CAST: variants seen among roughly 807,000 people sequenced by gnomAD.
CAST encodes the protein calpastatin.
In CAST, 76 loss-of-function variants were observed where a neutral mutation model predicts 119.6. The ratio of observed to expected loss-of-function variants is 0.64; its 90% CI spans 0.53 to 0.77. The LOEUF (loss-of-function observed/expected upper bound fraction) is 0.77. Ranked by LOEUF, CAST falls within the 30% of genes least tolerant of loss-of-function variation. CAST has a pLI of 0.00. For missense variants in CAST, 953 were observed against 946.5 expected (o/e 1.01, Z -0.09); for synonymous variants, 319 against 331.6 (o/e 0.96, Z 0.41).
intron 1 of CAST, among the ~76,000 whole-genome samples, chr5:96,632,005 C>T (rs920050089): frequency 6.8e-6 from 1 of 146,892 alleles, no homozygotes; most frequent in Non-Finnish European, 1.5e-5. Context: ...CTCGCCAACA[C>T]TTGTTATTGT....
At chr5:96,242,391 A>T in the CAST span, among the ~76,000 whole-genome samples, 3 of 152,108 alleles carry the variant, frequency 2.0e-5, no homozygotes, top group Non-Finnish European at 4.4e-5. Flanking sequence ...TCAGCCTCCC[A>T]AAGTGCCAAC....
intron 1 of CAST, among the ~76,000 whole-genome samples, chr5:96,573,481 A>C (rs1226405111): frequency 6.6e-6 from 1 of 152,136 alleles, no homozygotes; most frequent in Non-Finnish European, 1.5e-5. Flanking sequence ...ATAAATAAAA[A>C]AATAAATGAT....
intron 1 of CAST, among the ~76,000 whole-genome samples, chr5:96,617,790 TAAAAAAAAAAAAAAAAAAAAAAAAAAA>T (rs1162873931): frequency 3.6e-4 from 8 of 22,000 alleles, no homozygotes; most frequent in South Asian, 1.6e-3. Context: ...AAATTCCATC[TAAAAAAAAAAAAAAAAAAAAAAAAAAA>T]AAAAAAAAAA....
the CAST span, chr5:96,400,020 G>T: frequency 6.2e-7 from 1 of 1,614,044 alleles, no homozygotes; most frequent in African/African-American, 1.3e-5. Context: ...CAGGTCCTGG[G>T]GTCAGCTAAA....
the CAST span, among the ~76,000 whole-genome samples, chr5:96,222,206 ATAT>A: frequency 1.3e-5 from 2 of 152,240 alleles, no homozygotes; most frequent in East Asian, 1.9e-4. Context: ...CTAGGCAAAA[ATAT>A]TATGGCTAAG....
chr5:95,961,448 G>T, the CAST span: 1 of 1,208,420 alleles, frequency 8.3e-7, no homozygotes, highest in Non-Finnish European at 1.1e-6. Context: ...TGCCCTGCCT[G>T]GCCGCTGCGG....
the CAST span, among the ~76,000 whole-genome samples, chr5:96,233,302 A>G: frequency 1.3e-5 from 2 of 152,110 alleles, no homozygotes. Flanking sequence ...CTCTGAGGAA[A>G]CAGGAGAGGA....
chr5:96,206,696 A>G, the CAST span, among the ~76,000 whole-genome samples: 1 of 151,892 alleles, frequency 6.6e-6, no homozygotes, highest in African/African-American at 2.4e-5. Context: ...ATGCTGCTTT[A>G]ATTACTGTAG....
intron 1 of CAST, among the ~76,000 whole-genome samples, chr5:96,655,711 A>G (rs1479245527): frequency 6.6e-6 from 1 of 152,268 alleles, no homozygotes; most frequent in African/African-American, 2.4e-5. Flanking sequence ...TGTGGGCACA[A>G]TAGTTGGTTA....
At chr5:96,180,646 A>G in the CAST span, among the ~76,000 whole-genome samples, 1 of 152,270 alleles carries the variant, frequency 6.6e-6, no homozygotes, top group Admixed American at 6.5e-5. Flanking sequence ...ACATGGAAAA[A>G]TGTTTAGAAA....
intron 3 of CAST, among the ~76,000 whole-genome samples, chr5:96,720,939 G>C (rs1758128226): frequency 6.6e-6 from 1 of 152,152 alleles, no homozygotes; most frequent in Non-Finnish European, 1.5e-5. Flanking sequence ...CAGCTAAGTG[G>C]AATTTCTTGA....
chr5:96,292,196 A>G, the CAST span, among the ~76,000 whole-genome samples: 6 of 152,192 alleles, frequency 3.9e-5, no homozygotes, highest in East Asian at 1.2e-3. Context: ...ATATGTGAAT[A>G]GATGCTATCC....
At chr5:96,652,179 T>C (rs1281376937) in intron 1 of CAST, among the ~76,000 whole-genome samples, 2 of 152,178 alleles carry the variant, frequency 1.3e-5, no homozygotes, top group East Asian at 1.9e-4. Flanking sequence ...CTCCCAGGGA[T>C]GGTTCTAAGG....
chr5:96,423,525 A>G, the CAST span: 6 of 1,426,514 alleles, frequency 4.2e-6, no homozygotes, highest in Admixed American at 1.7e-5. Context: ...TGGGCACTTC[A>G]GTTCCAACCT....
chr5:96,550,450 A>G (rs1746107237), intron 1 of CAST, among the ~76,000 whole-genome samples: 1 of 152,144 alleles, frequency 6.6e-6, no homozygotes, highest in South Asian at 2.1e-4. Flanking sequence ...AAACCACAAA[A>G]TGAGGAGAAA....
the CAST span, among the ~76,000 whole-genome samples, chr5:96,504,656 T>C: frequency 6.6e-6 from 1 of 152,134 alleles, no homozygotes; most frequent in Non-Finnish European, 1.5e-5. Context: ...GTCACCCACT[T>C]GAAATGTACA....
At chr5:96,288,546 A>T in the CAST span, among the ~76,000 whole-genome samples, 1 of 152,202 alleles carries the variant, frequency 6.6e-6, no homozygotes, top group South Asian at 2.1e-4. Flanking sequence ...AACTAGGTTA[A>T]TGTTAACTCC....
At chr5:96,561,749 A>G (rs925669544) in intron 1 of CAST, among the ~76,000 whole-genome samples, 2 of 140,420 alleles carry the variant, frequency 1.4e-5, no homozygotes, top group Non-Finnish European at 3.1e-5. Flanking sequence ...AAGGATATAT[A>G]TGTCCATATA....
chr5:96,241,250 C>T, the CAST span, among the ~76,000 whole-genome samples: 4 of 132,108 alleles, frequency 3.0e-5, no homozygotes, highest in African/African-American at 8.7e-5. Flanking sequence ...GTGTGATGTT[C>T]CCCTTCCTAT....
Sources: allele counts gnomAD v4.1 joint callset (sites outside exome capture counted in the v4.1 genomes callset), GRCh38; gene constraint gnomAD v4.1.1; transcripts MANE v1.5; gene names NCBI Gene and HGNC (gene_info 2026-07-23, HGNC 2026-07-21).